INPP5F: variants seen among roughly 807,000 people sequenced by gnomAD.
INPP5F encodes the protein inositol polyphosphate-5-phosphatase F.
A neutral mutation model predicts 137.2 loss-of-function variants in INPP5F; 97 were observed. The observed-to-expected ratio is 0.71, with a 90% confidence interval of 0.60 to 0.84. INPP5F has a LOEUF of 0.84. Among genes scored for constraint, INPP5F ranks in the 40% least tolerant of loss-of-function variants. The pLI, the probability that INPP5F is intolerant of heterozygous loss-of-function variation, is 0.00. For synonymous variants in INPP5F, 504 were observed against 476.9 expected (o/e 1.06, Z -0.74); for missense variants, 1,271 against 1,371.9 (o/e 0.93, Z 1.16).
In INPP5F at chr10:119,748,564, C is replaced by T. The variant is rs1341979583; in HGVS notation, c.98-2512C>T. ...AGCTTCATTGAGCCCCAGAAGAGCT[C>T]TCAGGAGACCTGAAGTGGGTAGCTC... On this transcript the variant is annotated intron_variant, in intron 1 of 19. Transcript: ENST00000650623. This position sits in a 1 kb window ranked among gnomAD's most constrained non-coding sequence, Gnocchi z 4.7. 6.6e-6 allele frequency among the ~76,000 whole-genome samples: 1 copy of T among 152,174 alleles called. No individual in the cohort carries two copies. The highest frequency in any genetic ancestry group is 1.5e-5 in the Non-Finnish European group (1 of 68,030).
intron 2 of INPP5F, among the ~76,000 whole-genome samples, chr10:119,772,903 C>T (rs1849409242): frequency 6.6e-6 from 1 of 151,986 alleles, no homozygotes; most frequent in African/African-American, 2.4e-5. Flanking sequence ...GCACGCACCA[C>T]CATGCCCAGC....
rs775111243 is a variant in INPP5F at position 119,796,760 on chromosome 10, G to A, written c.715G>A (p.Val239Met). 5 of 1,613,684 alleles carry A rather than the reference G, an allele frequency of 3.1e-6. No homozygotes were observed. The African/African-American group carries it at 6.7e-5, about 22-fold the overall frequency. ...FWIIPMIQGF[V>M]QIEELVVNYT... is the part of the protein sequence containing the mutation. ...GATTATCCCCATGATCCAAGGTTTT[G>A]TGCAGATTGAAGAACTTGTGGTTAA... Residue 239 changes from valine to methionine, a missense_variant, in exon 7 of 20, where the codon GTG (valine) becomes ATG (methionine). Coordinates refer to ENST00000650623, the MANE Select transcript of INPP5F (RefSeq NM_014937.4).
chr10:119,800,517 G>A (rs867173005), intron 9 of INPP5F, among the ~76,000 whole-genome samples: 1 of 148,400 alleles, frequency 6.7e-6, no homozygotes, highest in South Asian at 2.1e-4. Context: ...CCAAGGTTGC[G>A]CCACTGCACT....
rs1277027358 is a variant in INPP5F, at chr10:119,798,424, C to A, written c.1049-119C>A. The A allele has an allele frequency of 9.3e-6, 6 of 645,870 alleles. No homozygotes were observed. The African/African-American group carries it at 1.2e-4, about 13-fold the overall frequency. The allele number at this position is 645,870 out of a possible 1,614,324, so 40.0% of individuals were successfully genotyped here. A position where few individuals can be genotyped will look rare whatever the true frequency, so the allele number is the denominator to read the frequency against. On this transcript the variant is annotated intron_variant, in intron 8 of 19. Transcript: ENST00000650623. ...TTCATTTTTAAATGATGGTTTTAGACAATCTTAGTTCATTTGGGCTGTCAA... is the reference window on the plus strand; with the variant it reads ...TTCATTTTTAAATGATGGTTTTAGAAAATCTTAGTTCATTTGGGCTGTCAA...
chr10:119,791,606 G>T lies in INPP5F; in HGVS notation c.405G>T (p.Thr135=). Reference sequence around the variant, plus strand: ...CAAAGTTTCTACTGAAGACCTTTACGCATATTAAATCCAATGTGTCTGCTC... The same window carrying T: ...CAAAGTTTCTACTGAAGACCTTTACTCATATTAAATCCAATGTGTCTGCTC... The part of the protein sequence containing the change: ...DDSKFLLKTF[T]HIKSNVSAPN... The change falls in exon 4 of 20, where the codon ACG becomes ACT. Residue 135 remains threonine, a synonymous_variant. Coordinates refer to ENST00000650623, the MANE Select transcript of INPP5F (RefSeq NM_014937.4). 2 of 1,604,548 alleles carry T rather than the reference G, an allele frequency of 1.2e-6. No individual in the cohort carries two copies. Among genetic ancestry groups the T allele is most frequent in the Non-Finnish European group, 1.7e-6 (2 of 1,172,140 alleles).
At chr10:119,734,022 G>C (rs1848157004) in intron 1 of INPP5F, among the ~76,000 whole-genome samples, 1 of 152,210 alleles carries the variant, frequency 6.6e-6, no homozygotes, top group Non-Finnish European at 1.5e-5. Flanking sequence ...AAGAACAAAA[G>C]ACTAGAACAC....
At chr10:119,751,356 CA>C (rs1848685241) in intron 2 of INPP5F, among the ~76,000 whole-genome samples, 200 bp downstream of exon 2, 1 of 152,232 alleles carries the variant, frequency 6.6e-6, no homozygotes, top group African/African-American at 2.4e-5. Context: ...AGACAGGTAT[CA>C]AAGAGTAATC....
At chr10:119,816,361 G>A (rs999920997) in intron 15 of INPP5F, 3 of 152,224 alleles carry the variant, frequency 2.0e-5, no homozygotes, top group African/African-American at 7.2e-5. Flanking sequence ...GACAGCGGAT[G>A]TCATGTGCTG....
intron 8 of INPP5F, among the ~76,000 whole-genome samples, chr10:119,797,939 G>A (rs527976293): frequency 2.6e-5 from 4 of 151,988 alleles, no homozygotes; most frequent in East Asian, 1.9e-4. Flanking sequence ...GGAAAGGAGC[G>A]AATCTAGCCA....
Position 119,826,864 on chromosome 10 carries a change from ATAG to A in INPP5F, c.2488_2490del (p.Ser830del), listed in dbSNP as rs752816097. ...TTAAAAGTAAATCTTTGGAAATCAGATAGTAGTCTTGAAACTATGGAAAACACA... is the reference window on the plus strand; with the variant it reads ...TTAAAAGTAAATCTTTGGAAATCAGATAGTCTTGAAACTATGGAAAACACA... On this transcript the variant is annotated inframe_deletion, in exon 20 of 20. Transcript: ENST00000650623. 8 of 1,614,102 alleles carry A rather than the reference ATAG, an allele frequency of 5.0e-6. No individual in the cohort carries two copies. The East Asian group carries it at 1.3e-4, about 27-fold the overall frequency.
intron 15 of INPP5F, among the ~76,000 whole-genome samples, chr10:119,812,210 A>G (rs1195183424): frequency 6.6e-6 from 1 of 152,220 alleles, no homozygotes; most frequent in Non-Finnish European, 1.5e-5. Context: ...AAATTGCCAA[A>G]CTACAGCCTG....
At chr10:119,795,591 A>T (rs1366752444) in intron 6 of INPP5F, among the ~76,000 whole-genome samples, 1 of 146,840 alleles carries the variant, frequency 6.8e-6, no homozygotes, top group East Asian at 2.1e-4. Flanking sequence ...CTCACTTTCC[A>T]GACTGGGCAG....
In INPP5F at chr10:119,804,262, C is replaced by T; in HGVS notation, c.1206C>T (p.His402=). 1 of 1,612,424 alleles carries T rather than the reference C, an allele frequency of 6.2e-7. No individual in the cohort carries two copies. Among genetic ancestry groups the T allele is most frequent in the Non-Finnish European group, 8.5e-7 (1 of 1,179,530 alleles). ...LKQVLLFNNS[H]LTYVSFDFHE... ...AAGTGTTGCTTTTCAACAACTCACA[C>T]CTCACTTACGTTTCGTTTGACTTCC... Residue 402 remains histidine (H), a synonymous_variant, in exon 10 of 20, where the codon CAC becomes CAT. Coordinates refer to ENST00000650623, the MANE Select transcript of INPP5F (RefSeq NM_014937.4).
chr10:119,819,159 T>G (rs540731243), intron 15 of INPP5F: 109 of 138,676 alleles, frequency 7.9e-4, no homozygotes, highest in Middle Eastern at 4.4e-3. Flanking sequence ...GCTGCAGACG[T>G]GGGGGGTGGG....
At chr10:119,742,479 A>C (rs932473807) in intron 1 of INPP5F, among the ~76,000 whole-genome samples, 1 of 152,186 alleles carries the variant, frequency 6.6e-6, no homozygotes, top group African/African-American at 2.4e-5. Context: ...TTAAATGATC[A>C]AGATGGTGAA....
At chr10:119,742,248 C>T (rs941163067) in intron 1 of INPP5F, among the ~76,000 whole-genome samples, 4 of 151,938 alleles carry the variant, frequency 2.6e-5, no homozygotes, top group East Asian at 3.9e-4. Context: ...CTCTGCCTCC[C>T]GGGTTCAAGC....
At chr10:119,769,469 G>A (rs1415547098) in intron 2 of INPP5F, among the ~76,000 whole-genome samples, 1 of 152,074 alleles carries the variant, frequency 6.6e-6, no homozygotes. Flanking sequence ...TGACTGGGAA[G>A]GGATGCCCAG....
intron 2 of INPP5F, among the ~76,000 whole-genome samples, chr10:119,762,277 G>A (rs1175395936): frequency 1.3e-5 from 2 of 152,208 alleles, no homozygotes; most frequent in South Asian, 4.1e-4. Flanking sequence ...AGGCTGGACA[G>A]CCTAAGATCA....
chr10:119,808,089 T>A, intron 13 of INPP5F, 29 bp downstream of exon 13: 1 of 1,603,814 alleles, frequency 6.2e-7, no homozygotes, highest in Non-Finnish European at 8.5e-7. Flanking sequence ...CATCTGTGGG[T>A]CATTATGTAG....
Sources: allele counts gnomAD v4.1 joint callset (sites outside exome capture counted in the v4.1 genomes callset), GRCh38; gene constraint gnomAD v4.1.1; non-coding constraint Gnocchi (gnomAD v3.1); transcripts MANE v1.5; gene names NCBI Gene and HGNC (gene_info 2026-07-23, HGNC 2026-07-21).